CCNT1: variants seen among roughly 807,000 people sequenced by gnomAD.
The protein encoded by CCNT1 is cyclin-T1.
CCNT1 carries 18 observed loss-of-function variants against 67.3 expected under a neutral mutation model. That is an observed-to-expected ratio of 0.27 (90% CI 0.18 to 0.40). The LOEUF (loss-of-function observed/expected upper bound fraction) is 0.40, where lower values mean the gene tolerates loss of function less well. CCNT1 is among the 10% of genes least tolerant of loss of function. The pLI is 1.00. For synonymous variants in CCNT1, 333 were observed against 310.3 expected (o/e 1.07, Z -0.77); for missense variants, 744 against 884.9 (o/e 0.84, Z 2.02).
chr12:48,693,899 T>C lies in CCNT1; in HGVS notation c.1315A>G (p.Met439Val). The C allele has an allele frequency of 6.2e-7, 1 of 1,614,050 alleles. No homozygotes were observed. The highest frequency in any genetic ancestry group is 8.5e-7 in the Non-Finnish European group (1 of 1,179,982). The change falls in exon 9 of 9, where the codon ATG becomes GTG. Residue 439 changes from methionine to valine, a missense_variant. Physicochemically the swap from Met to Val is conservative, Grantham distance 21. This residue lies in a region of CCNT1 where 564 missense variants were observed against 574.2 expected (regional missense o/e 0.98). Coordinates refer to ENST00000261900, the MANE Select transcript of CCNT1 (RefSeq NM_001240.4). ...HDSHSSVILKMPIEGSENPER... is the reference protein window; with the variant it reads ...HDSHSSVILKVPIEGSENPER... ...GGGTTTTCTGAACCCTCTATGGGCATTTTTAGAATGACTGAAGAATGGCTA... is the reference window on the plus strand; with the variant it reads ...GGGTTTTCTGAACCCTCTATGGGCACTTTTAGAATGACTGAAGAATGGCTA...
rs1473036129 is a variant in CCNT1, at chr12:48,691,978, G to C, written c.*1055C>G. On this transcript the variant is annotated 3_prime_UTR_variant, in exon 9 of 9. Transcript: ENST00000261900. Reference sequence around the variant, plus strand: ...CATAGCACATTCCCCATCTCTTAGAGACCTTAAGACTGCTCTCATTTGAAC... The same window carrying C: ...CATAGCACATTCCCCATCTCTTAGACACCTTAAGACTGCTCTCATTTGAAC... The C allele has an allele frequency of 4.6e-5, 7 of 151,910 alleles. No individual in the cohort carries two copies. The highest frequency in any genetic ancestry group is 1.7e-4 in the African/African-American group (7 of 41,340). The allele number at this position is 151,910 out of a possible 1,614,324, so 9.4% of individuals were successfully genotyped here.
In CCNT1 at chr12:48,692,850, A is replaced by T; in HGVS notation, c.*183T>A. On this transcript the variant is annotated 3_prime_UTR_variant, in exon 9 of 9. Coordinates refer to ENST00000261900, the MANE Select transcript of CCNT1 (RefSeq NM_001240.4). Reference sequence around the variant, plus strand: ...GTAAAAACTGTAAGAAAATAGTTAAATGCATGAGACAGCAGATATATAGCC... The same window carrying T: ...GTAAAAACTGTAAGAAAATAGTTAATTGCATGAGACAGCAGATATATAGCC... 1 of 552,556 alleles carries T rather than the reference A, an allele frequency of 1.8e-6. No individual in the cohort carries two copies. Among genetic ancestry groups the T allele is most frequent in the Non-Finnish European group, 3.2e-6 (1 of 311,716 alleles). 34.2% of individuals were successfully genotyped at this position (552,556 alleles called of 1,614,324 possible). A position where few individuals can be genotyped will look rare whatever the true frequency, so the allele number is the denominator to read the frequency against.
At chr12:48,698,952 G>A (rs550499174) in intron 5 of CCNT1, among the ~76,000 whole-genome samples, 1 of 147,804 alleles carries the variant, frequency 6.8e-6, no homozygotes, top group East Asian at 2.0e-4. Context: ...GCAAAACTCC[G>A]TCTCAAAAAA....
At chr12:48,699,091 A>C (rs1238055596) in intron 5 of CCNT1, among the ~76,000 whole-genome samples, 2 of 152,204 alleles carry the variant, frequency 1.3e-5, no homozygotes, top group Non-Finnish European at 2.9e-5. Context: ...TGGGTGACAA[A>C]GCAAATTTTT....
chr12:48,697,340 C>T (rs939759563), intron 6 of CCNT1, among the ~76,000 whole-genome samples: 1 of 151,076 alleles, frequency 6.6e-6, no homozygotes, highest in Non-Finnish European at 1.5e-5. Flanking sequence ...GTCAACATAG[C>T]GAAACCCCAT....
chr12:48,714,620 G>C (rs552819623), intron 1 of CCNT1, 96 bp from the exon 2 acceptor site: 1 of 697,912 alleles, frequency 1.4e-6, no homozygotes, highest in Non-Finnish European at 2.6e-6. Flanking sequence ...GGCCAAGCAA[G>C]TAGATACTAC....
intron 6 of CCNT1, among the ~76,000 whole-genome samples, chr12:48,696,759 G>A (rs1217058565): frequency 1.3e-5 from 2 of 152,170 alleles, no homozygotes; most frequent in African/African-American, 4.8e-5. Context: ...AGCCCTGACA[G>A]TTACTAGGGA....
chr12:48,701,207 GAAATAC>G, intron 3 of CCNT1, 134 bp from the exon 4 acceptor site: 1 of 225,706 alleles, frequency 4.4e-6, no homozygotes, highest in Non-Finnish European at 9.0e-6. Context: ...GTTAAGAACT[GAAATAC>G]AATCTTTTTT....
Position 48,693,195 on chromosome 12 carries a change from A to G in CCNT1, c.2019T>C (p.Val673=), listed in dbSNP as rs1940105959. 1 of 1,614,064 alleles carries G rather than the reference A, an allele frequency of 6.2e-7. No individual in the cohort carries two copies. Among genetic ancestry groups the G allele is most frequent in the Admixed American group, 1.7e-5 (1 of 60,006 alleles). Residue 673 remains valine, a synonymous_variant, in exon 9 of 9, where the codon GTT becomes GTC. Coordinates refer to ENST00000261900, the MANE Select transcript of CCNT1 (RefSeq NM_001240.4). ...MLHSLLSAQG[V]QPTQPTAFEF... Reference sequence around the variant, plus strand: ...CAAATGCAGTGGGCTGAGTGGGCTGAACACCCTGGGCACTGAGCAGGGAGT... The same window carrying G: ...CAAATGCAGTGGGCTGAGTGGGCTGGACACCCTGGGCACTGAGCAGGGAGT...
At chr12:48,701,806 A>G (rs538987141) in intron 3 of CCNT1, among the ~76,000 whole-genome samples, 1 of 151,694 alleles carries the variant, frequency 6.6e-6, no homozygotes, top group Non-Finnish European at 1.5e-5. Context: ...AGGTTTCTCC[A>G]TGTTGGTCAG....
At chr12:48,713,271 T>C (rs1398659337) in intron 2 of CCNT1, among the ~76,000 whole-genome samples, 1 of 150,536 alleles carries the variant, frequency 6.6e-6, no homozygotes, top group South Asian at 2.1e-4. Context: ...CTGGGCTCAA[T>C]CAGTCCTCCC....
In CCNT1 at chr12:48,694,146, T is replaced by G. The variant is rs1208302626; in HGVS notation, c.1068A>C (p.Ala356=). Residue 356 remains alanine, a synonymous_variant, in exon 9 of 9, where the codon GCA becomes GCC. Coordinates refer to ENST00000261900, the MANE Select transcript of CCNT1 (RefSeq NM_001240.4). ...TQGHRTSENL[A]LTGVDHSLPQ... is the part of the protein sequence containing the mutation. The stretch of plus-strand genomic sequence containing the variant: ...GTAAGGAATGATCAACTCCTGTAAG[T>G]GCTAAATTCTCACTAGTCCGATGAC... 1.9e-6 allele frequency: 3 copies of G among 1,614,200 alleles called. No individual in the cohort carries two copies. In the East Asian group the frequency reaches 6.7e-5, roughly 36 times the overall value.
chr12:48,699,046 T>C (rs563712519), intron 5 of CCNT1, among the ~76,000 whole-genome samples: 1 of 152,300 alleles, frequency 6.6e-6, no homozygotes, highest in Admixed American at 6.5e-5. Context: ...TATATTACAA[T>C]GAAAAAATTT....
intron 1 of CCNT1, among the ~76,000 whole-genome samples, chr12:48,715,979 C>G (rs1175560055): frequency 6.6e-6 from 1 of 152,178 alleles, no homozygotes; most frequent in Non-Finnish European, 1.5e-5. Context: ...GAGGTATTAT[C>G]CCATTTTATA....
At chr12:48,703,354 A>AC (rs1387427920) in intron 3 of CCNT1, among the ~76,000 whole-genome samples, 2 of 151,546 alleles carry the variant, frequency 1.3e-5, no homozygotes, top group African/African-American at 4.9e-5. Flanking sequence ...CAGGTGGATA[A>AC]CCTCAGGTCA....
Position 48,710,403 on chromosome 12 carries a change from T to C in CCNT1, c.243+4040A>G, listed in dbSNP as rs140394119. Among the ~76,000 whole-genome samples the C allele has an allele frequency of 1.6e-4, 25 of 152,348 alleles. No homozygotes were observed. The East Asian group carries it at 4.2e-3, about 26-fold the overall frequency. On this transcript the variant is annotated intron_variant, in intron 2 of 8. Transcript: ENST00000261900. The stretch of plus-strand genomic sequence containing the variant: ...AATCTGGAATCTGTTGATTCCAAAA[T>C]GTGCCTAAAATCAATCCTCTAAAAA...
At position 48,694,130 on chromosome 12, in the gene CCNT1, G is replaced by A. The variant is rs764560553; in HGVS notation, c.1084C>T (p.His362Tyr). 1 of 1,614,064 alleles carries A rather than the reference G, an allele frequency of 6.2e-7. No individual in the cohort carries two copies. Among genetic ancestry groups the A allele is most frequent in the Non-Finnish European group, 8.5e-7 (1 of 1,180,030 alleles). ...SENLALTGVD[H>Y]SLPQDGSNAF... is the part of the protein sequence containing the mutation. ...TTTGAACCATCCTGTGGTAAGGAAT[G>A]ATCAACTCCTGTAAGTGCTAAATTC... Residue 362 changes from histidine to tyrosine, a missense_variant, in exon 9 of 9, where the codon CAT becomes TAT. Physicochemically the swap from His to Tyr is moderately conservative, Grantham distance 83. Coordinates refer to ENST00000261900, the MANE Select transcript of CCNT1 (RefSeq NM_001240.4).
chr12:48,693,922 C>T lies in CCNT1; in HGVS notation c.1292G>A (p.Ser431Asn). The part of the protein sequence containing the change: ...AAQNLLSHHD[S>N]HSSVILKMPI... ...CATTTTTAGAATGACTGAAGAATGGCTATCATGATGAGAAAGGAGATTCTG... is the reference window on the plus strand; with the variant it reads ...CATTTTTAGAATGACTGAAGAATGGTTATCATGATGAGAAAGGAGATTCTG... Residue 431 changes from serine (S) to asparagine (N), a missense_variant, in exon 9 of 9, where the codon AGC becomes AAC. Ser to Asn is a conservative substitution (Grantham distance 46). Transcript: ENST00000261900. The T allele has an allele frequency of 6.2e-7, 1 of 1,614,140 alleles. No individual in the cohort carries two copies.
intron 2 of CCNT1, 61 bp from the exon 3 acceptor site, chr12:48,705,957 G>C (rs895894904): frequency 2.7e-6 from 4 of 1,480,252 alleles, no homozygotes; most frequent in African/African-American, 2.9e-5. Flanking sequence ...GAGTAAGGTA[G>C]ATCTAAAGAG....
Sources: gnomAD v4.1 joint callset for allele counts (sites outside exome capture counted in the v4.1 genomes callset) on GRCh38, gnomAD v4.1.1 for gene constraint, gnomAD v4.1.1 regional missense constraint, MANE v1.5 for transcripts, NCBI Gene and HGNC (gene_info 2026-07-23, HGNC 2026-07-21) for gene names.